CDCA2: variants seen among roughly 807,000 people sequenced by gnomAD.
The protein encoded by CDCA2 is cell division cycle associated 2, also known as cell division cycle-associated protein 2.
In CDCA2, 44 loss-of-function variants were observed where a neutral mutation model predicts 67.0. The ratio of observed to expected loss-of-function variants is 0.66; its 90% CI spans 0.52 to 0.84. The LOEUF (loss-of-function observed/expected upper bound fraction) is 0.84. Ranked by LOEUF, CDCA2 falls within the 40% of genes least tolerant of loss-of-function variation. CDCA2 has a pLI of 0.00. For synonymous variants in CDCA2, 447 were observed against 418.7 expected (o/e 1.07, Z -0.82); for missense variants, 1,253 against 1,203.2 (o/e 1.04, Z -0.61).
chr8:25,461,085 T>C (rs1179349148), intron 3 of CDCA2, among the ~76,000 whole-genome samples: 3 of 151,876 alleles, frequency 2.0e-5, no homozygotes, highest in Admixed American at 6.6e-5. Flanking sequence ...CTGACCAACA[T>C]AGAGAAACCT....
intron 13 of CDCA2, among the ~76,000 whole-genome samples, chr8:25,500,606 A>C (rs1804436147): frequency 1.3e-5 from 2 of 152,162 alleles, no homozygotes; most frequent in Admixed American, 6.5e-5. Flanking sequence ...TCCTGTGTTC[A>C]AGCAGTCCTC....
Position 25,480,127 on chromosome 8 carries a change from A to G in CDCA2, c.1032+3A>G, listed in dbSNP as rs2117509561. The G allele has an allele frequency of 6.2e-7, 1 of 1,608,484 alleles. No homozygotes were observed. On this transcript the variant is annotated splice_donor_region_variant and intron_variant, in intron 8 of 14. Transcript: ENST00000330560. Reference sequence around the variant, plus strand: ...AGATGTGTCTAGAGAGCTTACAGGTAAGAAGAGAGTTAAATTTCCTAAAGC... The same window carrying G: ...AGATGTGTCTAGAGAGCTTACAGGTGAGAAGAGAGTTAAATTTCCTAAAGC...
chr8:25,501,113 A>G (rs1209184998), intron 13 of CDCA2, among the ~76,000 whole-genome samples: 1 of 152,204 alleles, frequency 6.6e-6, no homozygotes, highest in African/African-American at 2.4e-5. Context: ...TACTGGAAAA[A>G]TATTTAACCC....
chr8:25,496,844 C>T (rs1273905988), intron 13 of CDCA2, among the ~76,000 whole-genome samples: 2 of 152,148 alleles, frequency 1.3e-5, no homozygotes, highest in South Asian at 2.1e-4. Context: ...GCAAAGTCAA[C>T]TAAAAATATA....
chr8:25,462,170 G>A lies in CDCA2; in HGVS notation c.349G>A (p.Ala117Thr). The part of the protein sequence containing the change: ...FIARQQNIKN[A>T]RKSPLAQDSP... The stretch of plus-strand genomic sequence containing the variant: ...TGCTCGGCAGCAAAATATAAAGAAT[G>A]CTAGGAAATCTCCTTTGGCACAAGA... The change falls in exon 4 of 15, where the codon GCT (alanine) becomes ACT (threonine). Residue 117 changes from alanine (A) to threonine (T), a missense_variant. Coordinates refer to ENST00000330560, the MANE Select transcript of CDCA2 (RefSeq NM_152562.4). The A allele has an allele frequency of 6.2e-7, 1 of 1,614,152 alleles. No individual in the cohort carries two copies. Among genetic ancestry groups the A allele is most frequent in the Non-Finnish European group, 8.5e-7 (1 of 1,180,000 alleles).
At chr8:25,478,878 T>TTG (rs58378145) in intron 7 of CDCA2, among the ~76,000 whole-genome samples, 71 of 139,980 alleles carry the variant, frequency 5.1e-4, no homozygotes, top group African/African-American at 1.9e-3. Context: ...TAACTACTTG[T>TTG]TGTGTGTGTG....
At chr8:25,493,535 GAC>G (rs1804094426) in intron 13 of CDCA2, among the ~76,000 whole-genome samples, 1 of 152,186 alleles carries the variant, frequency 6.6e-6, no homozygotes, top group Non-Finnish European at 1.5e-5. Flanking sequence ...ACTCATATCA[GAC>G]ACCAAGGATT....
intron 11 of CDCA2, among the ~76,000 whole-genome samples, chr8:25,486,176 C>T (rs1015604931): frequency 5.3e-5 from 8 of 152,222 alleles, no homozygotes; most frequent in Admixed American, 1.3e-4. Context: ...AAGGATCATT[C>T]TTAAATATCC....
intron 13 of CDCA2, among the ~76,000 whole-genome samples, chr8:25,498,501 T>G (rs11785275): frequency 1.6e-5 from 2 of 126,738 alleles, no homozygotes; most frequent in Non-Finnish European, 3.2e-5. Flanking sequence ...ATTACAGATA[T>G]GAGCCTCTAT....
intron 5 of CDCA2, among the ~76,000 whole-genome samples, chr8:25,467,062 A>AAC (rs1554520294): frequency 7.1e-6 from 1 of 141,300 alleles, no homozygotes; most frequent in Non-Finnish European, 1.5e-5. Flanking sequence ...AAAAAAAAAA[A>AAC]AAAACACACA....
Position 25,466,343 on chromosome 8 carries a change from G to A in CDCA2, c.538+18G>A, listed in dbSNP as rs749053576. On this transcript the variant is annotated intron_variant, in intron 5 of 14. Transcript: ENST00000330560. ...AGACTTGAGTGAGTAGAAATAATTC[G>A]TTCAGTTTTGACTTCAATATTTATA... 3.8e-6 allele frequency: 6 copies of A among 1,563,970 alleles called. No homozygotes were observed. The highest frequency in any genetic ancestry group is 5.2e-6 in the Non-Finnish European group (6 of 1,161,304).
intron 13 of CDCA2, among the ~76,000 whole-genome samples, chr8:25,495,422 T>TG (rs1804177726): frequency 1.7e-5 from 1 of 57,436 alleles, no homozygotes; most frequent in Admixed American, 1.6e-4. Context: ...GGGATAAATC[T>TG]TTTTTTTTTT....
chr8:25,504,614 C>T (rs970605628), intron 14 of CDCA2, among the ~76,000 whole-genome samples: 10 of 152,156 alleles, frequency 6.6e-5, no homozygotes, highest in Admixed American at 2.0e-4. Context: ...GCTTCTGCGT[C>T]CTGCTTAACA....
chr8:25,464,096 A>G (rs147351670), intron 4 of CDCA2, among the ~76,000 whole-genome samples: 51 of 152,310 alleles, frequency 3.3e-4, no homozygotes, highest in African/African-American at 1.1e-3. Context: ...CTACGTTTAT[A>G]TGTTTTCAGA....
At chr8:25,459,227 G>GCGGGTGGAGGAGGCTGC (rs1194944205), upstream of CDCA2, 1 of 152,704 alleles carries the variant, frequency 6.5e-6, no homozygotes, top group Non-Finnish European at 1.5e-5. Flanking sequence ...GGCGGAGGAG[G>GCGGGTGGAGGAGGCTGC]CGGGTGGAGG....
At chr8:25,500,310 G>A (rs1308325470) in intron 13 of CDCA2, among the ~76,000 whole-genome samples, 1 of 149,246 alleles carries the variant, frequency 6.7e-6, no homozygotes, top group African/African-American at 2.5e-5. Flanking sequence ...TAATCTGGTG[G>A]CATTGCCCAC....
In CDCA2 at chr8:25,507,581, G is replaced by T. The variant is rs1804735493; in HGVS notation, c.2915G>T (p.Gly972Val). 1 of 1,613,992 alleles carries T rather than the reference G, an allele frequency of 6.2e-7. No individual in the cohort carries two copies. Among genetic ancestry groups the T allele is most frequent in the Non-Finnish European group, 8.5e-7 (1 of 1,180,024 alleles). Residue 972 changes from glycine to valine, a missense_variant, in exon 15 of 15, where the codon GGT becomes GTT. Gly to Val is a moderately radical substitution (Grantham distance 109, BLOSUM62 -3). Coordinates refer to ENST00000330560, the MANE Select transcript of CDCA2 (RefSeq NM_152562.4). Reference protein sequence around the residue: ...GPAAGSSDEPGKRRKSFCIST... With the variant: ...GPAAGSSDEPVKRRKSFCIST... ...GCTGCTGGTTCTTCCGATGAACCTG[G>T]TAAGAGGAGGAAGAGCTTTTGTATA...
chr8:25,492,245 C>CTGGCTGGCTAATTTTTTTTTA (rs1554525340), intron 13 of CDCA2, among the ~76,000 whole-genome samples: 4 of 151,848 alleles, frequency 2.6e-5, no homozygotes, highest in African/African-American at 7.3e-5. Context: ...GCCAACATGC[C>CTGGCTGGCTAATTTTTTTTTA]CAGCCAGAAA....
At chr8:25,503,618 C>T in intron 14 of CDCA2, 74 bp downstream of exon 14, 1 of 1,428,848 alleles carries the variant, frequency 7.0e-7, no homozygotes, top group African/African-American at 1.4e-5. Flanking sequence ...TTACTTTTTT[C>T]ACTTTTTTCC....
Sources: gnomAD v4.1 joint callset for allele counts (sites outside exome capture counted in the v4.1 genomes callset) on GRCh38, gnomAD v4.1.1 for gene constraint, MANE v1.5 for transcripts, NCBI Gene and HGNC (gene_info 2026-07-23, HGNC 2026-07-21) for gene names.